Variants in BLTP3B observed in about 807,000 individuals in gnomAD.
BLTP3B encodes UHRF1 (ICBP90) binding protein 1-like.
the BLTP3B span, among the ~76,000 whole-genome samples, chr12:100,108,906 G>C: frequency 6.6e-6 from 1 of 152,140 alleles, no homozygotes. Context: ...GGTCACCAGA[G>C]GCTGGAAAGG....
At chr12:100,057,602 A>G in the BLTP3B span, 1 of 1,610,844 alleles carries the variant, frequency 6.2e-7, no homozygotes, top group Non-Finnish European at 8.5e-7. Flanking sequence ...TATCACTTCC[A>G]TCACTTTCTA....
At chr12:100,123,827 G>GA in the BLTP3B span, among the ~76,000 whole-genome samples, 303 of 150,984 alleles carry the variant, frequency 2.0e-3, 1 homozygote, top group Non-Finnish European at 3.4e-3. Flanking sequence ...TGCGTGTAAT[G>GA]AAAAAAAATC....
chr12:100,107,201 T>C, the BLTP3B span, among the ~76,000 whole-genome samples: 4 of 146,860 alleles, frequency 2.7e-5, no homozygotes, highest in Non-Finnish European at 5.9e-5. Context: ...GGCAGGAGAA[T>C]TGCATGAACC....
chr12:100,052,879 C>T, the BLTP3B span, among the ~76,000 whole-genome samples: 3 of 149,568 alleles, frequency 2.0e-5, no homozygotes, highest in South Asian at 2.1e-4. Flanking sequence ...CTGCAGCCTC[C>T]GCCTCCCGGG....
chr12:100,110,787 A>G, the BLTP3B span, among the ~76,000 whole-genome samples: 1 of 152,138 alleles, frequency 6.6e-6, no homozygotes, highest in Non-Finnish European at 1.5e-5. Flanking sequence ...CAGGAGGGAG[A>G]TGATATAAAG....
At chr12:100,057,579 A>G in the BLTP3B span, 1 of 1,602,252 alleles carries the variant, frequency 6.2e-7, no homozygotes, top group Non-Finnish European at 8.5e-7. Context: ...ACCTTTTTCC[A>G]AAAACATATG....
the BLTP3B span, among the ~76,000 whole-genome samples, chr12:100,093,465 T>C: frequency 6.6e-6 from 1 of 152,330 alleles, no homozygotes; most frequent in South Asian, 2.1e-4. Flanking sequence ...TTGATCTTCC[T>C]TCACATGTGT....
the BLTP3B span, among the ~76,000 whole-genome samples, chr12:100,136,520 T>C: frequency 6.6e-6 from 1 of 152,292 alleles, no homozygotes; most frequent in South Asian, 2.1e-4. Flanking sequence ...GGCATATATA[T>C]ATATGTGCTC....
At chr12:100,123,476 T>C in the BLTP3B span, among the ~76,000 whole-genome samples, 1 of 152,092 alleles carries the variant, frequency 6.6e-6, no homozygotes, top group African/African-American at 2.4e-5. Flanking sequence ...CACCAAGCAG[T>C]GGACACCAGC....
the BLTP3B span, chr12:100,092,873 CT>C: frequency 2.0e-6 from 2 of 983,112 alleles, no homozygotes; most frequent in Middle Eastern, 1.0e-3. Context: ...TTTCCTTATA[CT>C]TTTTCAGCTT....
At chr12:100,105,353 A>G in the BLTP3B span, among the ~76,000 whole-genome samples, 37 of 151,528 alleles carry the variant, frequency 2.4e-4, no homozygotes, top group African/African-American at 7.7e-4. Context: ...ACACAGGCCA[A>G]TGGAACAGAA....
the BLTP3B span, chr12:100,103,863 G>C: frequency 2.1e-6 from 3 of 1,405,030 alleles, no homozygotes; most frequent in South Asian, 4.5e-5. Flanking sequence ...AGAGTAGCTA[G>C]ATAATGTATA....
the BLTP3B span, chr12:100,048,344 C>A: frequency 1.3e-6 from 1 of 784,812 alleles, no homozygotes; most frequent in Non-Finnish European, 1.8e-6. Context: ...TATACGTACA[C>A]ACACTAATTT....
chr12:100,131,281 A>G, the BLTP3B span, among the ~76,000 whole-genome samples: 2 of 151,608 alleles, frequency 1.3e-5, no homozygotes, highest in African/African-American at 4.8e-5. Flanking sequence ...ACTGCACTCC[A>G]GCCTGGGTGA....
At chr12:100,050,108 A>G in the BLTP3B span, 2 of 1,356,348 alleles carry the variant, frequency 1.5e-6, no homozygotes, top group Non-Finnish European at 9.6e-7. Context: ...TGAGACATAT[A>G]TAAAAGTTAA....
chr12:100,134,092 TGGA>T, the BLTP3B span, among the ~76,000 whole-genome samples: 3 of 152,016 alleles, frequency 2.0e-5, no homozygotes, highest in African/African-American at 7.3e-5. Flanking sequence ...GTGCTGCCCA[TGGA>T]GGAGGACTAC....
At chr12:100,132,960 T>C in the BLTP3B span, among the ~76,000 whole-genome samples, 2 of 151,382 alleles carry the variant, frequency 1.3e-5, no homozygotes, top group Non-Finnish European at 3.0e-5. Context: ...AATAAATAAA[T>C]AGGCCGGGCG....
chr12:100,051,573 A>G, the BLTP3B span: 1 of 174,586 alleles, frequency 5.7e-6, no homozygotes, highest in Non-Finnish European at 1.2e-5. Context: ...TGTATTTACT[A>G]CTCTGTAGTC....
At chr12:100,066,887 T>C in the BLTP3B span, among the ~76,000 whole-genome samples, 4 of 151,806 alleles carry the variant, frequency 2.6e-5, no homozygotes, top group African/African-American at 9.7e-5. Flanking sequence ...AGAATATACA[T>C]TCTATTCAAC....
Sources: gnomAD v4.1 joint callset for allele counts (sites outside exome capture counted in the v4.1 genomes callset) on GRCh38, gnomAD v4.1.1 for gene constraint, MANE v1.5 for transcripts, NCBI Gene and HGNC (gene_info 2026-07-23, HGNC 2026-07-21) for gene names.